Variants in KCNIP4 observed in about 807,000 individuals in gnomAD.
KCNIP4 encodes the protein Kv channel-interacting protein 4.
KCNIP4 carries 12 observed loss-of-function variants against 34.0 expected under a neutral mutation model. That is an observed-to-expected ratio of 0.35 (90% CI 0.23 to 0.57). The LOEUF (loss-of-function observed/expected upper bound fraction) is 0.57, where lower values mean the gene tolerates loss of function less well. Among genes scored for constraint, KCNIP4 ranks in the 20% least tolerant of loss-of-function variants. The pLI is 0.83. For missense variants in KCNIP4, 238 were observed against 311.7 expected (o/e 0.76, Z 1.78); for synonymous variants, 124 against 102.2 (o/e 1.21, Z -1.29).
intron 1 of KCNIP4, among the ~76,000 whole-genome samples, chr4:21,414,419 C>T (rs895249920): frequency 2.6e-5 from 4 of 152,086 alleles, no homozygotes; most frequent in Non-Finnish European, 5.9e-5. Flanking sequence ...GCTATTATGA[C>T]AGAAAACAAA....
intron 1 of KCNIP4, among the ~76,000 whole-genome samples, chr4:20,993,236 T>C (rs1054207952): frequency 2.0e-5 from 3 of 152,010 alleles, no homozygotes; most frequent in South Asian, 2.1e-4. Context: ...TGAAGATGTC[T>C]ATATAATAGC....
intron 1 of KCNIP4, among the ~76,000 whole-genome samples, chr4:21,324,523 G>A (rs978539952): frequency 6.6e-6 from 1 of 151,958 alleles, no homozygotes; most frequent in Non-Finnish European, 1.5e-5. Context: ...ATCAATGTAT[G>A]TTCTTGGCCC....
intron 1 of KCNIP4, among the ~76,000 whole-genome samples, chr4:21,600,197 C>T (rs1353337906): frequency 1.3e-5 from 2 of 152,058 alleles, no homozygotes; most frequent in South Asian, 2.1e-4. Context: ...CAAAAACTTT[C>T]ATGCTGAGCC....
rs1747301077 is a variant in KCNIP4 at position 20,729,506 on chromosome 4, A to AAAAATGCCAGATAAAACT, written c.*558_*575dup. The AAAAATGCCAGATAAAACT allele has an allele frequency of 1.3e-5, 2 of 150,554 alleles. No homozygotes were observed. The highest frequency in any genetic ancestry group is 1.3e-4 in the Admixed American group (2 of 15,122). 9.3% of individuals were successfully genotyped at this position (150,554 alleles called of 1,614,324 possible). A position where few individuals can be genotyped will look rare whatever the true frequency, so the allele number is the denominator to read the frequency against. ...AATGTTTAATAATTTTTAAATGTTT[A>AAAAATGCCAGATAAAACT]AAAATGCCAGATAAAACTAATTTCT... On this transcript the variant is annotated 3_prime_UTR_variant, in exon 9 of 9. Transcript: ENST00000382152.
At chr4:21,616,688 G>A (rs147960381) in intron 1 of KCNIP4, among the ~76,000 whole-genome samples, 3 of 152,160 alleles carry the variant, frequency 2.0e-5, no homozygotes, top group African/African-American at 7.2e-5. Context: ...GCTTGTAGTT[G>A]TGTCATTCAC....
chr4:21,662,828 C>T (rs1748550561), intron 1 of KCNIP4, among the ~76,000 whole-genome samples: 2 of 152,148 alleles, frequency 1.3e-5, no homozygotes, highest in South Asian at 4.1e-4. Flanking sequence ...CACCAACATC[C>T]TCCAGCATTT....
At chr4:20,921,732 T>C (rs374616372) in intron 1 of KCNIP4, among the ~76,000 whole-genome samples, 1 of 152,256 alleles carries the variant, frequency 6.6e-6, no homozygotes, top group South Asian at 2.1e-4. Flanking sequence ...TGTGTGTGTA[T>C]GGTTCTGCAT....
At chr4:21,377,016 TC>T (rs1342485760) in intron 1 of KCNIP4, among the ~76,000 whole-genome samples, 1 of 152,190 alleles carries the variant, frequency 6.6e-6, no homozygotes, top group Non-Finnish European at 1.5e-5. Flanking sequence ...GCATTTTTTT[TC>T]CTTTTTTCTT....
At chr4:20,964,766 C>T (rs536455716) in intron 1 of KCNIP4, among the ~76,000 whole-genome samples, 1 of 152,162 alleles carries the variant, frequency 6.6e-6, no homozygotes, top group Non-Finnish European at 1.5e-5. Flanking sequence ...TTTTCTTAGC[C>T]TTTGAAGAAA....
At chr4:21,420,067 A>G (rs1725319771) in intron 1 of KCNIP4, among the ~76,000 whole-genome samples, 1 of 152,156 alleles carries the variant, frequency 6.6e-6, no homozygotes, top group African/African-American at 2.4e-5. Flanking sequence ...CTCTATTTTT[A>G]CAATCTGTTC....
At chr4:21,201,456 C>T (rs1200220889) in intron 1 of KCNIP4, among the ~76,000 whole-genome samples, 2 of 152,112 alleles carry the variant, frequency 1.3e-5, no homozygotes, top group Non-Finnish European at 2.9e-5. Context: ...TTAATCATAC[C>T]ATTGCAGGAT....
At chr4:20,948,436 CTA>C (rs924146210) in intron 1 of KCNIP4, among the ~76,000 whole-genome samples, 46 of 152,252 alleles carry the variant, frequency 3.0e-4, no homozygotes. Flanking sequence ...GCCTCTGCTC[CTA>C]TCTTTCCAGC....
intron 1 of KCNIP4, among the ~76,000 whole-genome samples, chr4:21,905,140 A>G (rs1229359052): frequency 6.6e-6 from 1 of 152,178 alleles, no homozygotes; most frequent in Non-Finnish European, 1.5e-5. Context: ...AAATGATTAG[A>G]TACAATTCTT....
intron 1 of KCNIP4, among the ~76,000 whole-genome samples, chr4:21,144,463 A>C (rs1752206135): frequency 6.6e-6 from 1 of 152,232 alleles, no homozygotes; most frequent in Non-Finnish European, 1.5e-5. Flanking sequence ...ACATAAGCTC[A>C]TCTATTCCTC....
intron 1 of KCNIP4, among the ~76,000 whole-genome samples, chr4:21,454,453 C>T (rs1177066932): frequency 6.6e-6 from 1 of 152,124 alleles, no homozygotes; most frequent in Non-Finnish European, 1.5e-5. Flanking sequence ...CAGTGCAATT[C>T]ACTGGAGACA....
chr4:21,912,827 CATAAT>C (rs1728414912), intron 1 of KCNIP4, among the ~76,000 whole-genome samples: 2 of 149,396 alleles, frequency 1.3e-5, no homozygotes, highest in Non-Finnish European at 3.0e-5. Flanking sequence ...ATATATATAA[CATAAT>C]ATAATATACA....
chr4:21,107,790 G>A (rs1403374508), intron 1 of KCNIP4, among the ~76,000 whole-genome samples: 8 of 151,372 alleles, frequency 5.3e-5, no homozygotes, highest in African/African-American at 7.4e-5. Context: ...TTTAGGGCAG[G>A]CCTGGTGGTG....
Position 21,439,470 on chromosome 4 carries a change from C to G in KCNIP4, c.61+509101G>C, listed in dbSNP as rs529809301. Among the ~76,000 whole-genome samples, 34 of 152,250 alleles carry G rather than the reference C, an allele frequency of 2.2e-4. 2 individuals are homozygous for G. In the South Asian group the frequency reaches 6.8e-3, roughly 31 times the overall value. On this transcript the variant is annotated intron_variant, in intron 1 of 8. Transcript: ENST00000382152. ...GACTGGCTGACTAATACAACAAAGC[C>G]CCTTCCCAACCTCTCTTCCTTGCCA...
intron 1 of KCNIP4, among the ~76,000 whole-genome samples, chr4:21,538,383 T>C (rs1363011251): frequency 6.6e-6 from 1 of 152,102 alleles, no homozygotes; most frequent in Non-Finnish European, 1.5e-5. Context: ...ATGCTCAGCG[T>C]TGAGAATATG....
Sources: gnomAD v4.1 joint callset for allele counts (sites outside exome capture counted in the v4.1 genomes callset) on GRCh38, gnomAD v4.1.1 for gene constraint, MANE v1.5 for transcripts, NCBI Gene and HGNC (gene_info 2026-07-23, HGNC 2026-07-21) for gene names.